The following TUT4 variants were observed in gnomAD, a reference collection of about 807,000 sequenced individuals.
The protein encoded by TUT4 is terminal uridylyl transferase 4, also known as terminal uridylyltransferase 4.
TUT4 carries 36 observed loss-of-function variants against 192.2 expected under a neutral mutation model. That is an observed-to-expected ratio of 0.19 (90% CI 0.14 to 0.25). TUT4 has a LOEUF of 0.25. Among genes scored for constraint, TUT4 ranks in the 10% least tolerant of loss-of-function variants. The probability of loss-of-function intolerance (pLI) is 1.00; values close to 1 mark genes in which losing one functional copy is unlikely to be tolerated. For synonymous variants in TUT4, 618 were observed against 666.0 expected, an observed-to-expected ratio of 0.93 and a Z score of 1.11; for missense variants, 1,493 against 1,957.2, an observed-to-expected ratio of 0.76 and a Z score of 4.47.
At chr1:52,431,696 C>T (rs896453460) in intron 27 of TUT4, 7 of 291,836 alleles carry the variant, frequency 2.4e-5, no homozygotes, top group Non-Finnish European at 3.7e-5. Flanking sequence ...TCGTGCAGAA[C>T]ACATACTTCC....
At chr1:52,478,790 A>T (rs775974836) in intron 11 of TUT4, among the ~76,000 whole-genome samples, 3 of 152,168 alleles carry the variant, frequency 2.0e-5, no homozygotes, top group Non-Finnish European at 4.4e-5. Flanking sequence ...GCATAAACAC[A>T]ATGAAACAAT....
At chr1:52,453,395 G>T (rs774571518) in intron 20 of TUT4, among the ~76,000 whole-genome samples, 5 of 149,974 alleles carry the variant, frequency 3.3e-5, no homozygotes, top group Non-Finnish European at 5.9e-5. Flanking sequence ...AAAAAAAAAA[G>T]AAATAAAAAG....
At chr1:52,498,184 A>C in intron 4 of TUT4, among the ~76,000 whole-genome samples, 1 of 151,960 alleles carries the variant, frequency 6.6e-6, no homozygotes, top group South Asian at 2.1e-4. Context: ...TCATTTCTGC[A>C]ATTCTTAATT....
intron 1 of TUT4, among the ~76,000 whole-genome samples, chr1:52,536,220 C>T (rs1684855235): frequency 6.6e-6 from 1 of 152,078 alleles, no homozygotes; most frequent in East Asian, 1.9e-4. Flanking sequence ...AAGATGTAAT[C>T]TGTGACAATA....
chr1:52,548,575 T>C (rs1688653470), intron 1 of TUT4, among the ~76,000 whole-genome samples: 2 of 152,194 alleles, frequency 1.3e-5, no homozygotes, highest in Admixed American at 1.3e-4. Context: ...TCCTTCTACA[T>C]GGACTTTTCC....
chr1:52,509,218 CATT>C (rs1228492148), intron 4 of TUT4, among the ~76,000 whole-genome samples: 1 of 152,160 alleles, frequency 6.6e-6, no homozygotes, highest in Non-Finnish European at 1.5e-5. Flanking sequence ...TAACAAGACT[CATT>C]ATATTTAAAT....
intron 15 of TUT4, among the ~76,000 whole-genome samples, chr1:52,466,891 T>G (rs1253402079): frequency 1.3e-5 from 2 of 151,994 alleles, no homozygotes; most frequent in Non-Finnish European, 2.9e-5. Context: ...CGTCTCGAAC[T>G]CCTGACCTCA....
chr1:52,459,346 C>T (rs1367079553), intron 19 of TUT4, among the ~76,000 whole-genome samples: 2 of 151,708 alleles, frequency 1.3e-5, no homozygotes, highest in East Asian at 1.9e-4. Context: ...CTCAGCACTT[C>T]GAAAGGCTGA....
intron 28 of TUT4, among the ~76,000 whole-genome samples, chr1:52,427,301 A>C (rs1650303572): frequency 6.6e-6 from 1 of 152,106 alleles, no homozygotes; most frequent in South Asian, 2.1e-4. Flanking sequence ...GGCAGCACAG[A>C]AGAAGGTGAG....
At chr1:52,461,477 G>T in intron 18 of TUT4, 36 bp downstream of exon 18, 1 of 1,557,684 alleles carries the variant, frequency 6.4e-7, no homozygotes, top group Non-Finnish European at 8.8e-7. Context: ...CTTTTAAAAT[G>T]AAAAGTATAT....
intron 13 of TUT4, among the ~76,000 whole-genome samples, chr1:52,473,183 G>C (rs1040603629): frequency 6.6e-6 from 1 of 152,060 alleles, no homozygotes. Context: ...GCTTTCAATA[G>C]TGCATGTGCC....
At chr1:52,523,190 A>G (rs980719232) in intron 2 of TUT4, among the ~76,000 whole-genome samples, 2 of 151,278 alleles carry the variant, frequency 1.3e-5, no homozygotes, top group Non-Finnish European at 3.0e-5. Flanking sequence ...ATGGGATTTC[A>G]CCATGTTGGC....
chr1:52,456,732 G>T (rs1335280142), intron 20 of TUT4, among the ~76,000 whole-genome samples: 2 of 152,060 alleles, frequency 1.3e-5, no homozygotes, highest in African/African-American at 4.8e-5. Context: ...TTAAGGCACT[G>T]AAAACTGTAT....
At chr1:52,513,283 C>A (rs1571156481) in intron 3 of TUT4, among the ~76,000 whole-genome samples, 1 of 150,854 alleles carries the variant, frequency 6.6e-6, no homozygotes, top group East Asian at 1.9e-4. Context: ...TGCCTGTAGT[C>A]CCAAGCTACT....
chr1:52,454,248 A>G (rs865939190), intron 20 of TUT4, among the ~76,000 whole-genome samples: 58 of 152,212 alleles, frequency 3.8e-4, no homozygotes, highest in African/African-American at 1.4e-3. Context: ...ATAGAGAGGC[A>G]AAAGACTCAG....
At chr1:52,527,595 AC>A (rs958931436) in intron 1 of TUT4, among the ~76,000 whole-genome samples, 3 of 152,128 alleles carry the variant, frequency 2.0e-5, no homozygotes, top group African/African-American at 7.2e-5. Flanking sequence ...TTAAAAAAAA[AC>A]AAAAGTAATA....
chr1:52,471,748 A>G (rs1191227403), intron 14 of TUT4, among the ~76,000 whole-genome samples: 4 of 152,198 alleles, frequency 2.6e-5, no homozygotes, highest in East Asian at 1.9e-4. Flanking sequence ...CCTTAAAAGC[A>G]ATATATATGG....
At chr1:52,488,790 C>T (rs1670440250) in intron 9 of TUT4, 119 bp downstream of exon 9, 9 of 1,125,744 alleles carry the variant, frequency 8.0e-6, no homozygotes, top group Middle Eastern at 2.5e-4. Flanking sequence ...CAGAAAACTA[C>T]TTTCTCCCAC....
chr1:52,534,342 T>A (rs925150964), intron 1 of TUT4, among the ~76,000 whole-genome samples: 1 of 152,276 alleles, frequency 6.6e-6, no homozygotes, highest in South Asian at 2.1e-4. Flanking sequence ...AAACTGAACG[T>A]GATCAAAAAT....
Sources: allele counts gnomAD v4.1 joint callset (sites outside exome capture counted in the v4.1 genomes callset), GRCh38; gene constraint gnomAD v4.1.1; transcripts MANE v1.5; gene names NCBI Gene and HGNC (gene_info 2026-07-23, HGNC 2026-07-21).